GOLGA5: variants seen among roughly 807,000 people sequenced by gnomAD.
The protein encoded by GOLGA5 is golgin subfamily A member 5.
In GOLGA5, 50 loss-of-function variants were observed where a neutral mutation model predicts 93.5. The ratio of observed to expected loss-of-function variants is 0.53; its 90% CI spans 0.43 to 0.68. The LOEUF is 0.68. GOLGA5 is among the 30% of genes least tolerant of loss of function. The pLI, the probability that GOLGA5 is intolerant of heterozygous loss-of-function variation, is 0.00. For synonymous variants in GOLGA5, 312 were observed against 304.5 expected (o/e 1.02, Z -0.26); for missense variants, 760 against 856.4 (o/e 0.89, Z 1.40).
At chr14:92,823,886 A>G (rs1039051066) in intron 8 of GOLGA5, among the ~76,000 whole-genome samples, 7 of 152,040 alleles carry the variant, frequency 4.6e-5, no homozygotes, top group African/African-American at 1.7e-4. Flanking sequence ...ATGACTTTTT[A>G]TATGTTCCAG....
chr14:92,813,197 T>C (rs550769298), intron 6 of GOLGA5, among the ~76,000 whole-genome samples: 37 of 152,224 alleles, frequency 2.4e-4, no homozygotes, highest in Non-Finnish European at 4.6e-4. Context: ...CTAAGTACTT[T>C]TTTGTATCAC....
rs1885562654 is a variant in GOLGA5 at position 92,833,065 on chromosome 14, T to G, written c.1720-57T>G. On this transcript the variant is annotated intron_variant, in intron 9 of 12. Transcript: ENST00000163416. ...CCTATGAAAATGTAGTAGTGTGATT[T>G]CTGTATTGTATGACTTTCATTTTAT... The G allele has an allele frequency of 2.1e-5, 20 of 938,808 alleles. No individual in the cohort carries two copies. The South Asian group carries it at 2.5e-4, about 12-fold the overall frequency. 58.2% of individuals were successfully genotyped at this position (938,808 alleles called of 1,614,324 possible).
rs1595608532 is a variant in GOLGA5 at position 92,839,942 on chromosome 14, T to A, written c.*496T>A. On this transcript the variant is annotated 3_prime_UTR_variant, in exon 13 of 13. Transcript: ENST00000163416. ...TATAAATACATAAATAAAAGAAAAA[T>A]ATGCATTTTTCTTTTCTAAAATAAT... is the stretch of plus-strand genomic sequence containing the variant. 6.0e-6 allele frequency: 1 copy of A among 166,842 alleles called. No homozygotes were observed. Among genetic ancestry groups the A allele is most frequent in the Non-Finnish European group, 1.3e-5 (1 of 76,738 alleles). The allele number at this position is 166,842 out of a possible 1,614,324, so 10.3% of individuals were successfully genotyped here.
At chr14:92,831,329 G>A (rs1410792534) in intron 9 of GOLGA5, among the ~76,000 whole-genome samples, 1 of 152,180 alleles carries the variant, frequency 6.6e-6, no homozygotes, top group Non-Finnish European at 1.5e-5. Flanking sequence ...TTCATAAATA[G>A]CCCAAATTGG....
At chr14:92,795,011 CA>C (rs1241387560) in intron 1 of GOLGA5, among the ~76,000 whole-genome samples, 4 of 152,364 alleles carry the variant, frequency 2.6e-5, no homozygotes, top group African/African-American at 7.2e-5. Flanking sequence ...ACATTAATTG[CA>C]ACATTAGTAG....
intron 8 of GOLGA5, among the ~76,000 whole-genome samples, chr14:92,820,369 C>T (rs1239590554): frequency 6.6e-6 from 1 of 152,264 alleles, no homozygotes; most frequent in African/African-American, 2.4e-5. Flanking sequence ...AACAGAGCAG[C>T]ATTGCTGCCA....
rs768438865 is a variant in GOLGA5 at position 92,819,824 on chromosome 14, G to A, written c.1608G>A (p.Glu536=). The change falls in exon 8 of 13, where the codon GAG becomes GAA. Residue 536 remains glutamate (E), a synonymous_variant. Coordinates refer to ENST00000163416, the MANE Select transcript of GOLGA5 (RefSeq NM_005113.4). ...ASKQELETEL[E]RLKQEFHYIE... is the part of the protein sequence containing the mutation. ...AACAAGAACTAGAGACAGAACTGGA[G>A]CGACTGAAGCAGGTCAGGATTTGAG... 1.2e-6 allele frequency: 2 copies of A among 1,613,960 alleles called. No homozygotes were observed. Among genetic ancestry groups the A allele is most frequent in the Non-Finnish European group, 1.7e-6 (2 of 1,179,910 alleles).
intron 1 of GOLGA5, among the ~76,000 whole-genome samples, chr14:92,795,533 C>A (rs1250123466): frequency 1.3e-5 from 2 of 152,156 alleles, no homozygotes; most frequent in African/African-American, 4.8e-5. Flanking sequence ...CTGTTTACCA[C>A]ATAACGTGGC....
intron 2 of GOLGA5, among the ~76,000 whole-genome samples, chr14:92,800,383 C>T (rs1884842733): frequency 6.6e-6 from 1 of 152,152 alleles, no homozygotes; most frequent in Admixed American, 6.5e-5. Context: ...AGACAGCATT[C>T]CATGCAGAGA....
chr14:92,826,838 T>C (rs1434022948), intron 9 of GOLGA5, among the ~76,000 whole-genome samples: 1 of 152,198 alleles, frequency 6.6e-6, no homozygotes, highest in African/African-American at 2.4e-5. Context: ...ACGCTAAGCC[T>C]AAGCTATAAA....
chr14:92,801,152 T>G (rs1157384344), intron 2 of GOLGA5, among the ~76,000 whole-genome samples: 1 of 152,210 alleles, frequency 6.6e-6, no homozygotes, highest in Non-Finnish European at 1.5e-5. Flanking sequence ...ACCAATGTCC[T>G]GAGATGCCTA....
chr14:92,811,987 T>A (rs1456594972), intron 6 of GOLGA5, among the ~76,000 whole-genome samples: 1 of 152,226 alleles, frequency 6.6e-6, no homozygotes, highest in African/African-American at 2.4e-5. Context: ...GTCTTCAACC[T>A]GTCACCTTAC....
chr14:92,819,301 T>C (rs1472552794), intron 7 of GOLGA5, among the ~76,000 whole-genome samples: 1 of 152,152 alleles, frequency 6.6e-6, no homozygotes, highest in Non-Finnish European at 1.5e-5. Flanking sequence ...TGAAACCATG[T>C]CTCATTCACC....
chr14:92,819,517 C>T lies in GOLGA5; in HGVS notation c.1492-191C>T, dbSNP rs190644255. Among the ~76,000 whole-genome samples the T allele has an allele frequency of 1.6e-4, 24 of 152,114 alleles. No homozygotes were observed. The South Asian group carries it at 1.7e-3, about 11-fold the overall frequency. ...GCCTCGTGGCATGTGCCTGTAGTCC[C>T]GCTACTCGGGAGGCTGATGTGGGAG... On this transcript the variant is annotated intron_variant, in intron 7 of 12. Coordinates refer to ENST00000163416, the MANE Select transcript of GOLGA5 (RefSeq NM_005113.4).
Position 92,798,100 on chromosome 14 carries a change from ACT to A in GOLGA5, c.544+124_544+125del, listed in dbSNP as rs1884777745. ...TCTGTCTCCACTGGTGTAAGGGCAG[ACT>A]CTCTGCAAATGTGTGGTGTAAACAA... On this transcript the variant is annotated intron_variant, in intron 2 of 12. Coordinates refer to ENST00000163416, the MANE Select transcript of GOLGA5 (RefSeq NM_005113.4). 28 of 700,666 alleles carry A rather than the reference ACT, an allele frequency of 4.0e-5. 2 individuals carry two copies. Among genetic ancestry groups the A allele is most frequent in the South Asian group, 3.4e-4 (19 of 55,216 alleles). 43.4% of individuals were successfully genotyped at this position (700,666 alleles called of 1,614,324 possible).
At chr14:92,819,591 C>T in intron 7 of GOLGA5, 117 bp from the exon 8 acceptor site, 1 of 875,104 alleles carries the variant, frequency 1.1e-6, no homozygotes, top group Admixed American at 2.2e-5. Flanking sequence ...TGTGATTGTG[C>T]CACTGCACTC....
In GOLGA5 at chr14:92,811,695, T is replaced by C; in HGVS notation, c.1261T>C (p.Leu421=). 1 of 1,613,086 alleles carries C rather than the reference T, an allele frequency of 6.2e-7. No individual in the cohort carries two copies. Among genetic ancestry groups the C allele is most frequent in the Non-Finnish European group, 8.5e-7 (1 of 1,179,536 alleles). ...QQQVKLYKLN[L]ESSKQELIDY... ...GCAAGTCAAGCTGTATAAGTTGAAC[T>C]TGGAGTCCTCTAAGCAGGAATTAAT... Residue 421 remains leucine (L), a synonymous_variant, in exon 6 of 13, where the codon TTG becomes CTG. Coordinates refer to ENST00000163416, the MANE Select transcript of GOLGA5 (RefSeq NM_005113.4).
rs374737199 is a variant in GOLGA5 at position 92,806,738 on chromosome 14, G to T, written c.547G>T (p.Ala183Ser). The stretch of plus-strand genomic sequence containing the variant: ...AAAACGTATTCTTTTTTTTACAGAA[G>T]CTGCCAGTAACTCAGATTCTAGCCA... ...ENSFGSQTHE[A>S]ASNSDSSHEG... The change falls in exon 3 of 13, where the codon GCT becomes TCT. Residue 183 changes from alanine to serine, a missense_variant and splice_region_variant. Transcript: ENST00000163416. 13 of 1,604,994 alleles carry T rather than the reference G, an allele frequency of 8.1e-6. No homozygotes were observed. Among genetic ancestry groups the T allele is most frequent in the Non-Finnish European group, 8.5e-7 (1 of 1,171,854 alleles).
chr14:92,836,591 T>G (rs2140338837), intron 11 of GOLGA5, among the ~76,000 whole-genome samples: 1 of 152,278 alleles, frequency 6.6e-6, no homozygotes, highest in South Asian at 2.1e-4. Flanking sequence ...GGACATCATA[T>G]TGCTTCCACA....
Sources: gnomAD v4.1 joint callset for allele counts (sites outside exome capture counted in the v4.1 genomes callset) on GRCh38, gnomAD v4.1.1 for gene constraint, MANE v1.5 for transcripts, NCBI Gene and HGNC (gene_info 2026-07-23, HGNC 2026-07-21) for gene names.